Variants in GNPTAB observed in about 807,000 individuals in gnomAD.
GNPTAB encodes N-acetylglucosamine-1-phosphotransferase subunits alpha/beta.
In GNPTAB, 92 loss-of-function variants were observed where a neutral mutation model predicts 136.6. The observed-to-expected ratio is 0.67, with a 90% CI of 0.57 to 0.80. The LOEUF is 0.80. Ranked by LOEUF, GNPTAB falls within the 30% of genes least tolerant of loss-of-function variation. The pLI is 0.00. For missense variants in GNPTAB, 1,343 were observed against 1,501.8 expected, an observed-to-expected ratio of 0.89 and a Z score of 1.75; for synonymous variants, 512 against 535.1, an observed-to-expected ratio of 0.96 and a Z score of 0.60.
At chr12:101,823,640 A>C (rs1220514764) in intron 1 of GNPTAB, among the ~76,000 whole-genome samples, 1 of 150,732 alleles carries the variant, frequency 6.6e-6, no homozygotes, top group Non-Finnish European at 1.5e-5. Flanking sequence ...AGTCAGGTTA[A>C]GTTTTTCTCT....
chr12:101,825,949 G>A (rs747360808), intron 1 of GNPTAB, among the ~76,000 whole-genome samples: 1 of 152,140 alleles, frequency 6.6e-6, no homozygotes, highest in African/African-American at 2.4e-5. Context: ...CAGGCCAGAC[G>A]GTCCCCACTC....
intron 1 of GNPTAB, among the ~76,000 whole-genome samples, chr12:101,822,338 C>T (rs949848636): frequency 1.3e-5 from 2 of 151,980 alleles, no homozygotes; most frequent in South Asian, 2.1e-4. Context: ...GCGTGAACCC[C>T]GGGGGGCGGA....
At chr12:101,808,753 C>A (rs1435615773) in intron 1 of GNPTAB, among the ~76,000 whole-genome samples, 2 of 152,054 alleles carry the variant, frequency 1.3e-5, no homozygotes, top group African/African-American at 4.8e-5. Flanking sequence ...TCGAGACCAG[C>A]CTGGCCAACA....
chr12:101,785,010 AG>A (rs1196719860), intron 5 of GNPTAB, among the ~76,000 whole-genome samples: 1 of 152,234 alleles, frequency 6.6e-6, no homozygotes, highest in East Asian at 1.9e-4. Context: ...GTTTTATGCC[AG>A]GAATTACCAT....
chr12:101,783,964 C>T (rs1337382818), intron 5 of GNPTAB, among the ~76,000 whole-genome samples: 1 of 152,050 alleles, frequency 6.6e-6, no homozygotes, highest in African/African-American at 2.4e-5. Context: ...GCAATCTGCC[C>T]ACCTTGGCCT....
At position 101,768,143 on chromosome 12, in the gene GNPTAB, A is replaced by G. The variant is rs113038721; in HGVS notation, c.1302T>C (p.Pro434=). The G allele has an allele frequency of 1.5e-5, 25 of 1,614,082 alleles. 1 individual carries two copies. Among genetic ancestry groups the G allele is most frequent in the Non-Finnish European group, 2.1e-5 (25 of 1,179,996 alleles). Reference sequence around the variant, plus strand: ...GGCAGCCCTCGGCACAGTTTGGCACAGGCCATGTCAAATAAACCTACGATA... The same window carrying G: ...GGCAGCCCTCGGCACAGTTTGGCACGGGCCATGTCAAATAAACCTACGATA... ...SKGQKVYLTW[P]VPNCAEGCPG... The change falls in exon 11 of 21, where the codon CCT becomes CCC. Residue 434 remains proline (P), a synonymous_variant. Coordinates refer to ENST00000299314, the MANE Select transcript of GNPTAB (RefSeq NM_024312.5).
At chr12:101,802,542 A>C (rs542499718) in intron 1 of GNPTAB, among the ~76,000 whole-genome samples, 9 of 152,170 alleles carry the variant, frequency 5.9e-5, no homozygotes, top group Non-Finnish European at 1.3e-4. Context: ...ACACCCCTAA[A>C]GACTATGGAT....
chr12:101,811,315 T>C (rs1870219456), intron 1 of GNPTAB, among the ~76,000 whole-genome samples: 2 of 152,160 alleles, frequency 1.3e-5, no homozygotes. Context: ...TGTAAATAAA[T>C]GGACATGGCT....
At chr12:101,819,166 C>T (rs1870674047) in intron 1 of GNPTAB, among the ~76,000 whole-genome samples, 1 of 152,136 alleles carries the variant, frequency 6.6e-6, no homozygotes, top group African/African-American at 2.4e-5. Context: ...TGCCCGCCAC[C>T]ACACTTGGCA....
intron 1 of GNPTAB, among the ~76,000 whole-genome samples, chr12:101,817,265 C>CA (rs771156674): frequency 1.8e-4 from 19 of 108,216 alleles, no homozygotes; most frequent in Non-Finnish European, 3.2e-4. Context: ...TATCATTCCA[C>CA]TTTTTTTTTT....
At position 101,747,121 on chromosome 12, in the gene GNPTAB, G is replaced by C. The variant is rs79089208; in HGVS notation, c.*43C>G. On this transcript the variant is annotated 3_prime_UTR_variant, in exon 21 of 21. Transcript: ENST00000299314. The stretch of plus-strand genomic sequence containing the variant: ...TCTCTGTGAAGCTGAGTTTTAAAAT[G>C]CTCAGTAAATGCTGAGGTAGATGGT... The C allele has an allele frequency of 3.7e-6, 4 of 1,088,850 alleles. No homozygotes were observed. The highest frequency in any genetic ancestry group is 5.7e-6 in the Non-Finnish European group (4 of 700,634). The allele number at this position is 1,088,850 out of a possible 1,614,324, so 67.4% of individuals were successfully genotyped here.
chr12:101,830,686 CCGCCA>C lies in GNPTAB; in HGVS notation c.-16_-12del, dbSNP rs745871394. 3 of 1,504,272 alleles carry C rather than the reference CCGCCA, an allele frequency of 2.0e-6. No individual in the cohort carries two copies. Among genetic ancestry groups the C allele is most frequent in the South Asian group, 2.3e-5 (2 of 88,648 alleles). 93.2% of individuals were successfully genotyped at this position (1,504,272 alleles called of 1,614,324 possible). ...GAGCTTGAACAGCATCACCCCTTCACCGCCACGCCACGCCCCGAGGAGCCTGAGCC... is the reference window on the plus strand; with the variant it reads ...GAGCTTGAACAGCATCACCCCTTCACCGCCACGCCCCGAGGAGCCTGAGCC... On this transcript the variant is annotated 5_prime_UTR_variant, in exon 1 of 21. Coordinates refer to ENST00000299314, the MANE Select transcript of GNPTAB (RefSeq NM_024312.5).
intron 7 of GNPTAB, 33 bp downstream of exon 7, chr12:101,780,119 C>G: frequency 6.3e-7 from 1 of 1,596,194 alleles, no homozygotes. Context: ...TGAGAATGTG[C>G]CAGGCTAATT....
In GNPTAB at chr12:101,764,635, CT is replaced by C; in HGVS notation, c.2281del (p.Ser761ValfsTer19). ...QAIITDETNDSLVAPQEKQVH... is the reference protein window; with the variant it reads ...QAIITDETNDXLVAPQEKQVH... Reference sequence around the variant, plus strand: ...CTGTTTTTCCTGTGGAGCCACCAAACTGTCATTTGTTTCATCTGTTATTATA... The same window carrying C: ...CTGTTTTTCCTGTGGAGCCACCAAACGTCATTTGTTTCATCTGTTATTATA... On this transcript the variant is annotated frameshift_variant, in exon 13 of 21. Coordinates refer to ENST00000299314, the MANE Select transcript of GNPTAB (RefSeq NM_024312.5). LOFTEE classifies it high-confidence loss of function. 1 of 1,613,992 alleles carries C rather than the reference CT, an allele frequency of 6.2e-7. No homozygotes were observed. Among genetic ancestry groups the C allele is most frequent in the East Asian group, 2.2e-5 (1 of 44,890 alleles).
chr12:101,777,916 A>G (rs1953282924), intron 7 of GNPTAB, among the ~76,000 whole-genome samples: 1 of 152,234 alleles, frequency 6.6e-6, no homozygotes, highest in Admixed American at 6.5e-5. Flanking sequence ...AACAACCTTC[A>G]AAGAACATTA....
Position 101,760,068 on chromosome 12 carries a change from T to C in GNPTAB, c.3211A>G (p.Ile1071Val). The change falls in exon 16 of 21, where the codon ATT becomes GTT. Residue 1071 changes from isoleucine to valine, a missense_variant. Transcript: ENST00000299314. ...TAGTAGGATTCCTGAGTTGGTGGAATATTATTTAGCTGCGTGATATCAGCA... is the reference window on the plus strand; with the variant it reads ...TAGTAGGATTCCTGAGTTGGTGGAACATTATTTAGCTGCGTGATATCAGCA... ...LPADITQLNNIPPTQESYYDP... is the reference protein window; with the variant it reads ...LPADITQLNNVPPTQESYYDP... 3.7e-6 allele frequency: 6 copies of C among 1,613,460 alleles called. No individual in the cohort carries two copies. Among genetic ancestry groups the C allele is most frequent in the Non-Finnish European group, 5.1e-6 (6 of 1,179,362 alleles).
At chr12:101,789,105 ATCTG>A (rs1292089150) in intron 3 of GNPTAB, among the ~76,000 whole-genome samples, 1 of 152,228 alleles carries the variant, frequency 6.6e-6, no homozygotes, top group Non-Finnish European at 1.5e-5. Flanking sequence ...CAAGGGAAGA[ATCTG>A]TCTTACTGTG....
At chr12:101,801,652 T>C (rs1340418463) in intron 1 of GNPTAB, among the ~76,000 whole-genome samples, 1 of 151,924 alleles carries the variant, frequency 6.6e-6, no homozygotes, top group African/African-American at 2.4e-5. Context: ...CCTTCCTTCT[T>C]TCTTCTCTAT....
intron 2 of GNPTAB, among the ~76,000 whole-genome samples, chr12:101,794,811 A>C (rs1370937010): frequency 6.6e-6 from 1 of 152,050 alleles, no homozygotes; most frequent in Non-Finnish European, 1.5e-5. Context: ...TCATCCCTTT[A>C]ATCTCAGCAC....
Sources: allele counts gnomAD v4.1 joint callset (sites outside exome capture counted in the v4.1 genomes callset), GRCh38; gene constraint gnomAD v4.1.1; transcripts MANE v1.5; gene names NCBI Gene and HGNC (gene_info 2026-07-23, HGNC 2026-07-21).